EFHD1: variants seen among roughly 807,000 people sequenced by gnomAD.
EFHD1 encodes EF-hand domain family member D1.
In EFHD1, 10 loss-of-function variants were observed where a neutral mutation model predicts 17.2. The ratio of observed to expected loss-of-function variants is 0.58; its 90% CI spans 0.36 to 0.99. EFHD1 has a LOEUF of 0.99. Ranked by LOEUF, EFHD1 falls within the 50% of genes least tolerant of loss-of-function variation. EFHD1 has a pLI of 0.01. For synonymous variants in EFHD1, 153 were observed against 142.0 expected, an observed-to-expected ratio of 1.08 and a Z score of -0.55; for missense variants, 310 against 327.5, an observed-to-expected ratio of 0.95 and a Z score of 0.41.
At chr2:232,671,902 T>G (rs1340717004) in intron 2 of EFHD1, among the ~76,000 whole-genome samples, 2 of 148,268 alleles carry the variant, frequency 1.3e-5, no homozygotes, top group Non-Finnish European at 3.0e-5. Context: ...ACTAAAAATA[T>G]AAAAATTAGC....
chr2:232,638,184 CAG>C, intron 1 of EFHD1: 2 of 354,172 alleles, frequency 5.6e-6, no homozygotes, highest in South Asian at 2.3e-5. Flanking sequence ...GCTGGTGGAG[CAG>C]TCAAGGTTAG....
chr2:232,622,643 G>A (rs1012226284), intron 1 of EFHD1, among the ~76,000 whole-genome samples: 6 of 152,100 alleles, frequency 3.9e-5, no homozygotes, highest in African/African-American at 1.4e-4. Context: ...AGAAGTAATG[G>A]AGGCCAGAGA....
chr2:232,618,708 G>A (rs1231766210), intron 1 of EFHD1, among the ~76,000 whole-genome samples: 1 of 124,314 alleles, frequency 8.0e-6, no homozygotes, highest in African/African-American at 3.1e-5. Context: ...GGGTGACAGA[G>A]CAAGACTCTG....
At chr2:232,656,971 G>C (rs549960973) in intron 1 of EFHD1, among the ~76,000 whole-genome samples, 1 of 152,052 alleles carries the variant, frequency 6.6e-6, no homozygotes, top group East Asian at 1.9e-4. Flanking sequence ...GTAGAGATGG[G>C]GTCTTGTTTT....
intron 1 of EFHD1, among the ~76,000 whole-genome samples, chr2:232,636,713 C>T (rs1227168543): frequency 1.3e-5 from 2 of 152,168 alleles, no homozygotes; most frequent in African/African-American, 2.4e-5. Context: ...AATCCAGCTA[C>T]TCAGGAGGCT....
intron 1 of EFHD1, among the ~76,000 whole-genome samples, chr2:232,660,789 C>G (rs1008579340): frequency 6.6e-6 from 1 of 151,988 alleles, no homozygotes; most frequent in African/African-American, 2.4e-5. Flanking sequence ...ACCAGCCTGG[C>G]CAACATGGTG....
upstream of EFHD1, among the ~76,000 whole-genome samples, chr2:232,631,705 AACAAAAAC>A (rs1416663706): frequency 1.0e-4 from 14 of 139,694 alleles, 1 homozygote; most frequent in African/African-American, 4.0e-4. Flanking sequence ...AAAAAAAAAA[AACAAAAAC>A]AAAACCAGCT....
At chr2:232,638,603 A>T (rs945901129) in intron 1 of EFHD1, 24 of 370,438 alleles carry the variant, frequency 6.5e-5, no homozygotes, top group African/African-American at 5.2e-4. Flanking sequence ...AAGGCTGGGA[A>T]TTTTCCAAAG....
chr2:232,620,060 A>G (rs1365840572), intron 1 of EFHD1, among the ~76,000 whole-genome samples: 2 of 152,040 alleles, frequency 1.3e-5, no homozygotes, highest in African/African-American at 4.8e-5. Flanking sequence ...TGATTTGCTA[A>G]TTAGCATAAT....
chr2:232,617,340 C>T (rs1273188187), intron 1 of EFHD1, among the ~76,000 whole-genome samples: 2 of 152,120 alleles, frequency 1.3e-5, no homozygotes, highest in African/African-American at 2.4e-5. Context: ...TGCTGGTAAA[C>T]CCTTAACTCA....
At chr2:232,660,379 A>C (rs1694840718) in intron 1 of EFHD1, among the ~76,000 whole-genome samples, 1 of 151,534 alleles carries the variant, frequency 6.6e-6, no homozygotes, top group South Asian at 2.1e-4. Flanking sequence ...TATTTTTAGT[A>C]GAGATGGGAT....
intron 2 of EFHD1, among the ~76,000 whole-genome samples, chr2:232,671,641 C>A (rs935743056): frequency 6.6e-6 from 1 of 151,938 alleles, no homozygotes; most frequent in Non-Finnish European, 1.5e-5. Context: ...GCAGGAGAAT[C>A]GCTTGAACCT....
At chr2:232,639,410 G>C (rs1035631971) in intron 1 of EFHD1, among the ~76,000 whole-genome samples, 31 of 151,550 alleles carry the variant, frequency 2.0e-4, no homozygotes, top group Non-Finnish European at 4.4e-5. Flanking sequence ...GCCTAGGCTG[G>C]TCTTGAACTC....
At chr2:232,650,960 G>A (rs1328851739) in intron 1 of EFHD1, among the ~76,000 whole-genome samples, 2 of 152,214 alleles carry the variant, frequency 1.3e-5, no homozygotes, top group Admixed American at 1.3e-4. Context: ...TGGCAGAGAA[G>A]GAGCTGGGAG....
intron 1 of EFHD1, 102 bp from the exon 2 acceptor site, chr2:232,662,700 G>A: frequency 6.7e-7 from 1 of 1,493,746 alleles, no homozygotes; most frequent in Non-Finnish European, 8.9e-7. Flanking sequence ...AGAGCGGGAG[G>A]TATTTGAGTC....
At chr2:232,671,012 G>A (rs1695058011) in intron 2 of EFHD1, among the ~76,000 whole-genome samples, 1 of 152,148 alleles carries the variant, frequency 6.6e-6, no homozygotes, top group Non-Finnish European at 1.5e-5. Context: ...AAACTAGGAT[G>A]CTGCTAATTT....
At position 232,671,787 on chromosome 2, in the gene EFHD1, T is replaced by C. The variant is rs554708165; in HGVS notation, c.451-522T>C. On this transcript the variant is annotated intron_variant, in intron 2 of 3. Transcript: ENST00000264059. ...ATAAAAGTTTGAGGGTGGGAGGCAG[T>C]GGCTCACGCCTGTAATCCCAGCACT... Among the ~76,000 whole-genome samples, 5 of 151,916 alleles carry C rather than the reference T, an allele frequency of 3.3e-5. No individual in the cohort carries two copies. The East Asian group carries it at 9.7e-4, about 29-fold the overall frequency.
chr2:232,631,032 C>T (rs1694191760), upstream of EFHD1, among the ~76,000 whole-genome samples: 4 of 152,002 alleles, frequency 2.6e-5, no homozygotes, highest in Admixed American at 2.6e-4. Context: ...TCAAAACCAG[C>T]CTGGCCAACA....
chr2:232,647,143 G>A (rs72999799), intron 1 of EFHD1, among the ~76,000 whole-genome samples: 30 of 152,380 alleles, frequency 2.0e-4, no homozygotes, highest in Non-Finnish European at 4.0e-4. Flanking sequence ...CACTCGGTGT[G>A]CAGTCATGGC....
Sources: allele counts gnomAD v4.1 joint callset (sites outside exome capture counted in the v4.1 genomes callset), GRCh38; gene constraint gnomAD v4.1.1; transcripts MANE v1.5; gene names NCBI Gene and HGNC (gene_info 2026-07-23, HGNC 2026-07-21).